CD99L2: variants seen among roughly 807,000 people sequenced by gnomAD.
CD99L2 encodes the protein CD99 molecule like 2, also known as CD99 antigen-like protein 2.
A neutral mutation model predicts 27.3 loss-of-function variants in CD99L2; 24 were observed. The observed-to-expected ratio is 0.88, with a 90% CI of 0.64 to 1.24. The LOEUF (loss-of-function observed/expected upper bound fraction) is 1.24. CD99L2 is among the 50% of genes most tolerant of loss of function. The pLI, the probability that CD99L2 is intolerant of heterozygous loss-of-function variation, is 0.00. For missense variants in CD99L2, 255 were observed against 221.6 expected, an observed-to-expected ratio of 1.15 and a Z score of -0.96; for synonymous variants, 97 against 87.9, an observed-to-expected ratio of 1.10 and a Z score of -0.58.
At chrX:150,823,659 T>C (rs1010573432) in intron 2 of CD99L2, among the ~76,000 whole-genome samples, 1 of 111,515 alleles carries the variant, frequency 9.0e-6, no homozygotes, top group Non-Finnish European at 1.9e-5. Context: ...AAGGTTGAGG[T>C]GCTGCATTTT....
At chrX:150,814,371 G>C (rs1168597342) in intron 4 of CD99L2, among the ~76,000 whole-genome samples, 1 of 111,602 alleles carries the variant, frequency 9.0e-6, no homozygotes, top group Non-Finnish European at 1.9e-5. Context: ...CTGCCTATGG[G>C]TGTGAGGCCA....
At chrX:150,892,464 G>A (rs1557422878) in intron 1 of CD99L2, among the ~76,000 whole-genome samples, 1 of 107,052 alleles carries the variant, frequency 9.3e-6, no homozygotes, top group Non-Finnish European at 1.9e-5. Context: ...AAATTAGCCA[G>A]GTGTGGTGAC....
intron 9 of CD99L2, 99 bp from the exon 10 acceptor site, chrX:150,770,468 G>C: frequency 2.7e-6 from 2 of 743,198 alleles, no homozygotes; most frequent in Non-Finnish European, 4.1e-6. Context: ...AGCTAAAAAA[G>C]CAGCACAGCT....
intron 1 of CD99L2, among the ~76,000 whole-genome samples, chrX:150,848,070 A>C (rs2046728505): frequency 9.4e-6 from 1 of 105,857 alleles, no homozygotes; most frequent in Non-Finnish European, 1.9e-5. Context: ...CCTCCTCACT[A>C]CACTGAATAT....
At chrX:150,798,209 AAAGGAAGGAAGGAAGG>A (rs1181934089) in intron 4 of CD99L2, among the ~76,000 whole-genome samples, 3 of 15,142 alleles carry the variant, frequency 2.0e-4, no homozygotes, top group African/African-American at 8.0e-4. Context: ...GGGAGGGAGG[AAAGGAAGGAAGGAAGG>A]AAGGAAGGAA....
At position 150,837,336 on chromosome X, in the gene CD99L2, G is replaced by A. The variant is rs781946854; in HGVS notation, c.68-6043C>T. Among the ~76,000 whole-genome samples the A allele has an allele frequency of 1.6e-4, 18 of 109,884 alleles. No individual in the cohort carries two copies. In the South Asian group the frequency reaches 3.5e-3, roughly 21 times the overall value. On this transcript the variant is annotated intron_variant, in intron 1 of 10. Transcript: ENST00000370377. ...ACAATCTTGGCTCACTGCAACCTCCGCCACCCAGATTCAAGCAATTCTCCT... is the reference window on the plus strand; with the variant it reads ...ACAATCTTGGCTCACTGCAACCTCCACCACCCAGATTCAAGCAATTCTCCT...
In CD99L2 at chrX:150,771,711, G is replaced by A. The variant is rs375376760; in HGVS notation, c.656-1342C>T. The stretch of plus-strand genomic sequence containing the variant: ...CGGTGAGTGCCAGGGAAGCAGGAGG[G>A]AGAAGAGCGGCAAGGAAGCGCCAGA... On this transcript the variant is annotated intron_variant, in intron 9 of 10. Coordinates refer to ENST00000370377, the MANE Select transcript of CD99L2 (RefSeq NM_031462.4). 8.0e-6 allele frequency: 8 copies of A among 998,761 alleles called. No homozygotes were observed. The East Asian group carries it at 1.3e-4, about 17-fold the overall frequency. The allele number at this position is 998,761 out of a possible 1,213,427, so 82.3% of individuals were successfully genotyped here.
chrX:150,850,466 T>G (rs140944717), intron 1 of CD99L2, among the ~76,000 whole-genome samples: 148 of 111,783 alleles, frequency 1.3e-3, no homozygotes, highest in Middle Eastern at 9.2e-3. Flanking sequence ...CTAGAACATG[T>G]AGGCACCAGC....
intron 1 of CD99L2, among the ~76,000 whole-genome samples, chrX:150,880,213 T>A (rs1271406030): frequency 9.0e-6 from 1 of 111,664 alleles, no homozygotes; most frequent in Non-Finnish European, 1.9e-5. Flanking sequence ...CCAAGAGAAT[T>A]AAAAACATAA....
intron 1 of CD99L2, among the ~76,000 whole-genome samples, chrX:150,848,384 C>A (rs1462130689): frequency 9.1e-6 from 1 of 109,620 alleles, no homozygotes; most frequent in African/African-American, 3.3e-5. Flanking sequence ...CTGCCAGGGG[C>A]TGGGGAGAGT....
At chrX:150,837,882 C>T (rs1328285246) in intron 1 of CD99L2, among the ~76,000 whole-genome samples, 2 of 112,164 alleles carry the variant, frequency 1.8e-5, no homozygotes, top group African/African-American at 6.5e-5. Flanking sequence ...CCACTCCCTA[C>T]GTATTAGCCA....
chrX:150,808,320 A>T lies in CD99L2; in HGVS notation c.277+6542T>A, dbSNP rs142910711. Among the ~76,000 whole-genome samples, 232 of 112,230 alleles carry T rather than the reference A, an allele frequency of 2.1e-3. 6 individuals are homozygous for T. The East Asian group carries it at 0.057, about 28-fold the overall frequency. On this transcript the variant is annotated intron_variant, in intron 4 of 10. Coordinates refer to ENST00000370377, the MANE Select transcript of CD99L2 (RefSeq NM_031462.4). Reference sequence around the variant, plus strand: ...CCCTGGGCTCCATAGATTATGAAAAACTATTTTCATAATCATGCTTTTATG... The same window carrying T: ...CCCTGGGCTCCATAGATTATGAAAATCTATTTTCATAATCATGCTTTTATG...
chrX:150,892,849 C>T (rs992259863), intron 1 of CD99L2, among the ~76,000 whole-genome samples: 3 of 110,888 alleles, frequency 2.7e-5, no homozygotes, highest in Non-Finnish European at 5.7e-5. Flanking sequence ...AAGCTGGGCG[C>T]GGTGGTTCAC....
At chrX:150,860,318 T>A (rs200163833) in intron 1 of CD99L2, among the ~76,000 whole-genome samples, 4 of 21 alleles carry the variant, frequency 0.19, no homozygotes, top group East Asian at 0.5. Flanking sequence ...GAAACATACG[T>A]TCAAAATACT....
intron 7 of CD99L2, among the ~76,000 whole-genome samples, chrX:150,784,938 C>T (rs909550260): frequency 8.9e-6 from 1 of 111,780 alleles, no homozygotes; most frequent in African/African-American, 3.3e-5. Context: ...TGCTGCAGGG[C>T]GGAGAGTGGG....
intron 7 of CD99L2, among the ~76,000 whole-genome samples, chrX:150,779,622 C>T (rs1435497942): frequency 8.9e-6 from 1 of 112,406 alleles, no homozygotes. Context: ...AACCCCGTTA[C>T]TTTACAAAAT....
At chrX:150,783,555 C>T (rs2045548792) in intron 7 of CD99L2, among the ~76,000 whole-genome samples, 1 of 111,735 alleles carries the variant, frequency 8.9e-6, no homozygotes, top group South Asian at 3.8e-4. Context: ...TGTTTAAGAA[C>T]TGCATGCTTT....
chrX:150,772,219 G>A (rs1390972490), intron 9 of CD99L2, among the ~76,000 whole-genome samples: 1 of 112,821 alleles, frequency 8.9e-6, no homozygotes. Flanking sequence ...TGTACACGCA[G>A]CCCCGCCACG....
intron 7 of CD99L2, among the ~76,000 whole-genome samples, chrX:150,779,438 G>A (rs1305243782): frequency 8.9e-6 from 1 of 112,386 alleles, no homozygotes; most frequent in African/African-American, 3.2e-5. Flanking sequence ...ACTACTGTGA[G>A]GCTAAGAAAC....
Sources: allele counts gnomAD v4.1 joint callset (sites outside exome capture counted in the v4.1 genomes callset), GRCh38; gene constraint gnomAD v4.1.1; transcripts MANE v1.5; gene names NCBI Gene and HGNC (gene_info 2026-07-23, HGNC 2026-07-21).